OR3A2: variants seen among roughly 807,000 people sequenced by gnomAD.
OR3A2 encodes the protein olfactory receptor 3A2.
For missense variants in OR3A2, 318 were observed against 392.8 expected (o/e 0.81, Z 1.61); for synonymous variants, 126 against 159.3 (o/e 0.79, Z 1.57).
chr17:3,370,568 TTTCGTTTGTTC>T (rs1170875103), intron 2 of OR3A2, among the ~76,000 whole-genome samples: 1 of 152,212 alleles, frequency 6.6e-6, no homozygotes, highest in Non-Finnish European at 1.5e-5. Context: ...TGGGTTTGGG[TTTCGTTTGTTC>T]TTGTTTCTCT....
chr17:3,331,111 G>A (rs1347159922), intron 3 of OR3A2, among the ~76,000 whole-genome samples: 4 of 152,074 alleles, frequency 2.6e-5, no homozygotes, highest in Non-Finnish European at 5.9e-5. Flanking sequence ...TCCCTTTGAG[G>A]GTAACCCGAC....
At chr17:3,310,171 T>C (rs2049029218) in intron 3 of OR3A2, 1 of 372,268 alleles carries the variant, frequency 2.7e-6, no homozygotes, top group Admixed American at 3.6e-5. Context: ...CCCTTACATT[T>C]CATGCGTTCT....
chr17:3,300,674 A>G (rs532327382), intron 3 of OR3A2, among the ~76,000 whole-genome samples: 1 of 144,086 alleles, frequency 6.9e-6, no homozygotes, highest in Admixed American at 7.3e-5. Flanking sequence ...GAAAATATTG[A>G]GCAACAAAAA....
chr17:3,361,327 G>A (rs1423155094), intron 2 of OR3A2, among the ~76,000 whole-genome samples: 1 of 151,420 alleles, frequency 6.6e-6, no homozygotes, highest in African/African-American at 2.4e-5. Context: ...GACATGATGG[G>A]GTTTTCTAGA....
At chr17:3,319,134 C>A (rs1020368347) in intron 3 of OR3A2, among the ~76,000 whole-genome samples, 3 of 152,008 alleles carry the variant, frequency 2.0e-5, no homozygotes, top group African/African-American at 4.8e-5. Flanking sequence ...AAACAGTGTC[C>A]CTCCACTAAT....
intron 3 of OR3A2, among the ~76,000 whole-genome samples, chr17:3,332,148 G>A (rs1206265952): frequency 6.6e-6 from 1 of 152,244 alleles, no homozygotes; most frequent in Non-Finnish European, 1.5e-5. Context: ...TAAGTCTGCA[G>A]AGGTTACTGC....
intron 1 of OR3A2, among the ~76,000 whole-genome samples, chr17:3,280,561 T>C (rs1170784201): frequency 2.6e-5 from 4 of 152,192 alleles, no homozygotes; most frequent in African/African-American, 9.7e-5. Flanking sequence ...CGTGAGGCAC[T>C]GCGCCCAGCC....
rs561919410 is a variant in OR3A2, at chr17:3,325,274, A to C, written c.-85+10759T>G. 6.8e-5 allele frequency among the ~76,000 whole-genome samples: 10 copies of C among 146,046 alleles called. No homozygotes were observed. In the South Asian group the frequency reaches 2.1e-3, roughly 31 times the overall value. On this transcript the variant is annotated intron_variant, in intron 3 of 4. Transcript: ENST00000573491. ...CCCAGACTGGGAGTGCAGTGGTGCA[A>C]TCTCAACTCACTGCAACCTCCACCT...
At chr17:3,369,027 A>T (rs988184824) in intron 2 of OR3A2, among the ~76,000 whole-genome samples, 1 of 152,090 alleles carries the variant, frequency 6.6e-6, no homozygotes, top group African/African-American at 2.4e-5. Flanking sequence ...TCTTGATTTG[A>T]TTCTCAGCTT....
chr17:3,321,888 G>C (rs933328132), intron 3 of OR3A2, among the ~76,000 whole-genome samples: 1 of 152,126 alleles, frequency 6.6e-6, no homozygotes, highest in Non-Finnish European at 1.5e-5. Context: ...GATGATGCTG[G>C]CCTCATCAAA....
At chr17:3,291,652 T>C (rs373414599) in intron 3 of OR3A2, 2 of 1,599,326 alleles carry the variant, frequency 1.3e-6, no homozygotes, top group Non-Finnish European at 1.7e-6. Context: ...AGTGACCGCC[T>C]CCCTGTGAGC....
intron 3 of OR3A2, among the ~76,000 whole-genome samples, chr17:3,331,102 C>T (rs544817665): frequency 6.6e-6 from 1 of 152,242 alleles, no homozygotes. Context: ...TGATGGGCTT[C>T]CCTTTGAGGG....
chr17:3,306,308 C>G (rs914268553), intron 3 of OR3A2, among the ~76,000 whole-genome samples: 16 of 152,188 alleles, frequency 1.1e-4, no homozygotes, highest in Admixed American at 1.0e-3. Context: ...TGTGCCACCA[C>G]AGTCAGCTAA....
chr17:3,276,278 T>G (rs1262782113), downstream of OR3A2, among the ~76,000 whole-genome samples: 1 of 152,184 alleles, frequency 6.6e-6, no homozygotes, highest in East Asian at 1.9e-4. Context: ...GTCTTCATTA[T>G]GTAAAAGATT....
intron 2 of OR3A2, among the ~76,000 whole-genome samples, chr17:3,381,234 C>T (rs1028345774): frequency 6.6e-6 from 1 of 151,588 alleles, no homozygotes; most frequent in Non-Finnish European, 1.5e-5. Flanking sequence ...TGTGCACTTC[C>T]GTGTCTTGGG....
At position 3,311,826 on chromosome 17, in the gene OR3A2, C is replaced by T. The variant is rs1192220009; in HGVS notation, c.-85+24207G>A. The T allele has an allele frequency of 5.3e-6, 1 of 189,660 alleles. No individual in the cohort carries two copies. Among genetic ancestry groups the T allele is most frequent in the Non-Finnish European group, 1.1e-5 (1 of 88,944 alleles). The allele number at this position is 189,660 out of a possible 1,614,324, so 11.7% of individuals were successfully genotyped here. A position where few individuals can be genotyped will look rare whatever the true frequency, so the allele number is the denominator to read the frequency against. On this transcript the variant is annotated intron_variant, in intron 3 of 4. Coordinates refer to the OR3A2 transcript ENST00000573491. The surrounding 1 kb of genome is among the most constrained non-coding windows in gnomAD (Gnocchi z 4.6). Reference sequence around the variant, plus strand: ...ACAAAGATAAGGGGATTGGGATCCTCAACACTATCCTCAGTCCCATGCTGA... The same window carrying T: ...ACAAAGATAAGGGGATTGGGATCCTTAACACTATCCTCAGTCCCATGCTGA...
At chr17:3,378,052 A>G (rs1050112975) in intron 2 of OR3A2, among the ~76,000 whole-genome samples, 22 of 152,246 alleles carry the variant, frequency 1.4e-4, no homozygotes, top group African/African-American at 5.3e-4. Flanking sequence ...TTCGCACACC[A>G]GGCTGCTGAC....
At chr17:3,332,399 G>A (rs1173897130) in intron 3 of OR3A2, among the ~76,000 whole-genome samples, 8 of 152,238 alleles carry the variant, frequency 5.3e-5, no homozygotes, top group Non-Finnish European at 1.2e-4. Flanking sequence ...CCAGGTGCAG[G>A]ATATAATCTC....
rs2049527441 is a variant in OR3A2 at position 3,362,512 on chromosome 17, G to T, written c.-179+21292C>A. Among the ~76,000 whole-genome samples the T allele has an allele frequency of 2.0e-5, 3 of 151,402 alleles. No individual in the cohort carries two copies. The South Asian group carries it at 6.3e-4, about 32-fold the overall frequency. The stretch of plus-strand genomic sequence containing the variant: ...CTAGTTCTTTTCATTGTGATGTTAG[G>T]GTGTCAATTTTAGATCTTTCCAGCT... On this transcript the variant is annotated intron_variant, in intron 2 of 4. Coordinates refer to the OR3A2 transcript ENST00000573491.
Sources: gnomAD v4.1 joint callset for allele counts (sites outside exome capture counted in the v4.1 genomes callset) on GRCh38, gnomAD v4.1.1 for gene constraint, Gnocchi (gnomAD v3.1) non-coding constraint, MANE v1.5 for transcripts, NCBI Gene and HGNC (gene_info 2026-07-23, HGNC 2026-07-21) for gene names.